SLC35F3: variants seen among roughly 807,000 people sequenced by gnomAD.
SLC35F3 encodes the protein putative thiamine transporter SLC35F3.
A neutral mutation model predicts 49.9 loss-of-function variants in SLC35F3; 25 were observed. The ratio of observed to expected loss-of-function variants is 0.50; its 90% CI spans 0.37 to 0.70. SLC35F3 has a LOEUF of 0.70. Ranked by LOEUF, SLC35F3 falls within the 30% of genes least tolerant of loss-of-function variation. The pLI is 0.00. For synonymous variants in SLC35F3, 275 were observed against 265.4 expected, an observed-to-expected ratio of 1.04 and a Z score of -0.35; for missense variants, 525 against 639.8, an observed-to-expected ratio of 0.82 and a Z score of 1.94.
intron 3 of SLC35F3, among the ~76,000 whole-genome samples, chr1:234,287,436 C>T (rs898085482): frequency 1.3e-5 from 2 of 152,164 alleles, no homozygotes; most frequent in Admixed American, 6.5e-5. Flanking sequence ...CTGTGACCTA[C>T]TAGGACAGGT....
chr1:234,056,504 C>T (rs1391135086), intron 2 of SLC35F3, among the ~76,000 whole-genome samples: 1 of 152,108 alleles, frequency 6.6e-6, no homozygotes, highest in Admixed American at 6.6e-5. Context: ...ACATACCATA[C>T]CCCTAGTTTT....
chr1:234,123,588 T>C (rs1665606880), intron 2 of SLC35F3, among the ~76,000 whole-genome samples: 1 of 151,484 alleles, frequency 6.6e-6, no homozygotes, highest in Non-Finnish European at 1.5e-5. Context: ...TTTTTTTTTT[T>C]TGTATTTTTA....
At chr1:234,070,160 A>G (rs1664692016) in intron 2 of SLC35F3, among the ~76,000 whole-genome samples, 1 of 152,182 alleles carries the variant, frequency 6.6e-6, no homozygotes, top group South Asian at 2.1e-4. Flanking sequence ...CTTGCTCCTT[A>G]GAGCCCTGTA....
intron 2 of SLC35F3, among the ~76,000 whole-genome samples, chr1:233,987,521 G>A (rs1338029211): frequency 7.1e-6 from 1 of 141,142 alleles, no homozygotes; most frequent in Admixed American, 6.8e-5. Context: ...TTTTTATTTT[G>A]ATCTATCTTT....
chr1:233,952,571 G>A (rs1363325969), intron 2 of SLC35F3, among the ~76,000 whole-genome samples: 1 of 152,170 alleles, frequency 6.6e-6, no homozygotes, highest in African/African-American at 2.4e-5. Context: ...ACTCCCACCT[G>A]TGTTTTGTCT....
intron 3 of SLC35F3, among the ~76,000 whole-genome samples, chr1:234,260,145 T>C (rs1667881025): frequency 6.6e-6 from 1 of 152,162 alleles, no homozygotes; most frequent in South Asian, 2.1e-4. Context: ...AATATTCTCT[T>C]TTCTGTACAT....
chr1:233,979,193 C>A (rs1663140512), intron 2 of SLC35F3, among the ~76,000 whole-genome samples: 1 of 152,192 alleles, frequency 6.6e-6, no homozygotes, highest in African/African-American at 2.4e-5. Context: ...TACACTGCTC[C>A]TTTCTGTGCT....
intron 3 of SLC35F3, among the ~76,000 whole-genome samples, chr1:234,279,042 C>T (rs1366490424): frequency 2.0e-5 from 3 of 152,198 alleles, no homozygotes; most frequent in Admixed American, 6.5e-5. Context: ...CAAGGTGGTC[C>T]GAGCACAGCT....
At chr1:234,009,595 G>T (rs1327369751) in intron 2 of SLC35F3, among the ~76,000 whole-genome samples, 2 of 152,176 alleles carry the variant, frequency 1.3e-5, no homozygotes, top group African/African-American at 4.8e-5. Context: ...CAGCTTTGCT[G>T]CATAATAACA....
intron 2 of SLC35F3, among the ~76,000 whole-genome samples, chr1:234,131,937 T>C (rs533611635): frequency 6.6e-6 from 1 of 152,330 alleles, no homozygotes; most frequent in Admixed American, 6.5e-5. Flanking sequence ...AAAGATTTTG[T>C]TTATTCTAGA....
chr1:234,195,312 G>C (rs534065811), intron 2 of SLC35F3, among the ~76,000 whole-genome samples: 93 of 152,248 alleles, frequency 6.1e-4, no homozygotes, highest in African/African-American at 2.1e-3. Context: ...GTACGGCATT[G>C]CCCTCATCTC....
chr1:234,064,318 A>G (rs2102864184), intron 2 of SLC35F3, among the ~76,000 whole-genome samples: 1 of 152,340 alleles, frequency 6.6e-6, no homozygotes, highest in South Asian at 2.1e-4. Context: ...AAATGTTAGA[A>G]TAAGAAGGAC....
At position 234,222,361 on chromosome 1, in the gene SLC35F3, A is replaced by C. The variant is rs73110462; in HGVS notation, c.284-9056A>C. 6.1e-3 allele frequency among the ~76,000 whole-genome samples: 923 copies of C among 152,242 alleles called. 9 individuals carry two copies. Among genetic ancestry groups the C allele is most frequent in the African/African-American group, 0.021 (864 of 41,536 alleles). On this transcript the variant is annotated intron_variant, in intron 2 of 7. Coordinates refer to ENST00000366618, the MANE Select transcript of SLC35F3 (RefSeq NM_173508.4). The stretch of plus-strand genomic sequence containing the variant: ...TGTTTAATACCTTAAGGCCAACCCC[A>C]CCTTGGTCCTTGACCAAGCAAGTTT...
chr1:233,909,470 C>T (rs1004844024), intron 2 of SLC35F3, among the ~76,000 whole-genome samples: 1 of 152,186 alleles, frequency 6.6e-6, no homozygotes, highest in African/African-American at 2.4e-5. Flanking sequence ...ACCTCTGGGA[C>T]AGGGAGCTTT....
chr1:234,243,074 C>T (rs942851317), intron 3 of SLC35F3, among the ~76,000 whole-genome samples: 6 of 152,158 alleles, frequency 3.9e-5, no homozygotes, highest in East Asian at 3.9e-4. Flanking sequence ...TTGTTTTGGC[C>T]GGGTGTGGTA....
At chr1:234,205,377 C>T (rs533408918) in intron 2 of SLC35F3, among the ~76,000 whole-genome samples, 1 of 152,220 alleles carries the variant, frequency 6.6e-6, no homozygotes, top group Non-Finnish European at 1.5e-5. Context: ...CTCAAAATTG[C>T]TTGAACCCGA....
chr1:234,022,047 A>T (rs1663904043), intron 2 of SLC35F3, among the ~76,000 whole-genome samples: 1 of 152,220 alleles, frequency 6.6e-6, no homozygotes, highest in African/African-American at 2.4e-5. Context: ...AGTGTTCATT[A>T]TTCTCAAAAA....
At chr1:234,217,498 G>A (rs890872305) in intron 2 of SLC35F3, among the ~76,000 whole-genome samples, 5 of 152,322 alleles carry the variant, frequency 3.3e-5, no homozygotes, top group Admixed American at 2.0e-4. Context: ...AAGGTGTCAC[G>A]GGGACACTGA....
intron 3 of SLC35F3, among the ~76,000 whole-genome samples, chr1:234,291,039 C>T (rs477265): frequency 0.91 from 138,977 of 152,218 alleles, 63,662 homozygotes; most frequent in South Asian, 0.97. Flanking sequence ...TCACTGGAGA[C>T]GTGAAAAAGC....
Sources: gnomAD v4.1 joint callset for allele counts (sites outside exome capture counted in the v4.1 genomes callset) on GRCh38, gnomAD v4.1.1 for gene constraint, MANE v1.5 for transcripts, NCBI Gene and HGNC (gene_info 2026-07-23, HGNC 2026-07-21) for gene names.